Variants in TEX15 observed in about 807,000 individuals in gnomAD.
The protein encoded by TEX15 is testis expressed 15, meiosis and synapsis associated, also known as testis-expressed protein 15.
TEX15 carries 171 observed loss-of-function variants against 237.3 expected under a neutral mutation model. The ratio of observed to expected loss-of-function variants is 0.72; its 90% confidence interval spans 0.64 to 0.82. TEX15 has a LOEUF of 0.82. Ranked by LOEUF, TEX15 falls within the 40% of genes least tolerant of loss-of-function variation. The probability of loss-of-function intolerance (pLI) is 0.00; values close to 1 mark genes in which losing one functional copy is unlikely to be tolerated. For synonymous variants in TEX15, 1,338 were observed against 1,269.8 expected, an observed-to-expected ratio of 1.05 and a Z score of -1.14; for missense variants, 3,750 against 3,646.5, an observed-to-expected ratio of 1.03 and a Z score of -0.73.
chr8:30,841,450 G>A (rs1391010848), intron 8 of TEX15, among the ~76,000 whole-genome samples: 2 of 152,076 alleles, frequency 1.3e-5, no homozygotes, highest in South Asian at 2.1e-4. Flanking sequence ...CATCATAAGG[G>A]GTTGTGTATA....
chr8:30,897,133 C>T (rs1160163231), intron 2 of TEX15, among the ~76,000 whole-genome samples: 1 of 152,172 alleles, frequency 6.6e-6, no homozygotes, highest in Non-Finnish European at 1.5e-5. Flanking sequence ...ATATTCTGAA[C>T]AAGAAGTCGG....
At chr8:30,898,125 T>C (rs1022168581) in intron 2 of TEX15, among the ~76,000 whole-genome samples, 1 of 152,220 alleles carries the variant, frequency 6.6e-6, no homozygotes. Context: ...CGGGACAATA[T>C]TCTCCACTGG....
rs755664225 is a variant in TEX15, at chr8:30,844,927, G to C, written c.5240C>G (p.Ser1747Cys). 32 of 1,613,446 alleles carry C rather than the reference G, an allele frequency of 2.0e-5. No homozygotes were observed. Among genetic ancestry groups the C allele is most frequent in the African/African-American group, 2.7e-5 (2 of 75,002 alleles). Residue 1747 changes from serine (S) to cysteine (C), a missense_variant, in exon 8 of 11, where the codon TCT becomes TGT. Transcript: ENST00000643185. ...TGGTACAGTACTGGATGCTGCAAAA[G>C]AATCTACAGTAAGAATTCTCTGCTT... ...LDKQRILTVD[S>C]FAASSTVPHC...
At position 30,847,345 on chromosome 8, in the gene TEX15, C is replaced by G; in HGVS notation, c.2822G>C (p.Ser941Thr). The change falls in exon 8 of 11, where the codon AGT (serine) becomes ACT (threonine). Residue 941 changes from serine (S) to threonine (T), a missense_variant. Physicochemically the swap from Ser to Thr is moderately conservative, Grantham distance 58 (BLOSUM62 1). Transcript: ENST00000643185. ...AVSAATALLE[S>T]EEDTISAVKQ... ...CACGGCACTAATGGTATCTTCTTCA[C>G]TCTCTAATAATGCAGTTGCTGCTGA... is the stretch of plus-strand genomic sequence containing the variant. 2 of 1,613,800 alleles carry G rather than the reference C, an allele frequency of 1.2e-6. No individual in the cohort carries two copies. Among genetic ancestry groups the G allele is most frequent in the South Asian group, 1.1e-5 (1 of 91,074 alleles).
rs565148341 is a variant in TEX15 at position 30,899,458 on chromosome 8, GT to G, written c.-85-642del. ...AACTCCGTTCTTTTTGTGTGTGCGTGTGAGACAGTCTCACTCACTCTATCAC... is the reference window on the plus strand; with the variant it reads ...AACTCCGTTCTTTTTGTGTGTGCGTGGAGACAGTCTCACTCACTCTATCAC... On this transcript the variant is annotated intron_variant, in intron 1 of 10. Transcript: ENST00000643185. Among the ~76,000 whole-genome samples, 36 of 152,268 alleles carry G rather than the reference GT, an allele frequency of 2.4e-4. No homozygotes were observed. In the South Asian group the frequency reaches 7.5e-3, roughly 32 times the overall value.
intron 10 of TEX15, among the ~76,000 whole-genome samples, chr8:30,833,794 C>T (rs1807234479): frequency 6.6e-6 from 1 of 152,040 alleles, no homozygotes; most frequent in African/African-American, 2.4e-5. Flanking sequence ...CAATTGCCTC[C>T]TTAATTTTTT....
chr8:30,912,197 C>A (rs924903147), intron 1 of TEX15, among the ~76,000 whole-genome samples: 1 of 152,254 alleles, frequency 6.6e-6, no homozygotes, highest in African/African-American at 2.4e-5. Flanking sequence ...CGCAGGCGGG[C>A]ATGGTCCGAG....
chr8:30,835,059 A>G (rs1241957103), intron 10 of TEX15, among the ~76,000 whole-genome samples: 2 of 152,154 alleles, frequency 1.3e-5, no homozygotes, highest in African/African-American at 4.8e-5. Flanking sequence ...ACTTGAGGCC[A>G]GGAGTCCGAG....
intron 5 of TEX15, among the ~76,000 whole-genome samples, chr8:30,864,016 A>C (rs1808105285): frequency 6.6e-6 from 1 of 152,140 alleles, no homozygotes; most frequent in South Asian, 2.1e-4. Flanking sequence ...CTACTAGACA[A>C]AGACTTTAAA....
chr8:30,851,157 T>A (rs191042141), intron 7 of TEX15, among the ~76,000 whole-genome samples: 3 of 151,870 alleles, frequency 2.0e-5, no homozygotes, highest in African/African-American at 7.3e-5. Flanking sequence ...CCCAAAGTTC[T>A]ATGGACAAGG....
intron 7 of TEX15, among the ~76,000 whole-genome samples, chr8:30,857,070 G>A (rs954229806): frequency 6.6e-6 from 1 of 152,084 alleles, no homozygotes; most frequent in Admixed American, 6.5e-5. Flanking sequence ...AATAATTAAG[G>A]CAAGATGCTC....
In TEX15 at chr8:30,846,030, T is replaced by A; in HGVS notation, c.4137A>T (p.Lys1379Asn). Residue 1379 changes from lysine (K) to asparagine (N), a missense_variant, in exon 8 of 11, where the codon AAA becomes AAT. By Grantham distance (94) the Lys-to-Asn change is moderately conservative. Transcript: ENST00000643185. The stretch of plus-strand genomic sequence containing the variant: ...TTAAGTGAACAACTGCTTTGTCTAG[T>A]TTTCTGGAAAGACATTTGCTTTTAC... Reference protein sequence around the residue: ...SLCKSKCLSRKLDKAVVHLKK... With the variant: ...SLCKSKCLSRNLDKAVVHLKK... 6.2e-7 allele frequency: 1 copy of A among 1,613,424 alleles called. No homozygotes were observed. The highest frequency in any genetic ancestry group is 8.5e-7 in the Non-Finnish European group (1 of 1,179,578).
chr8:30,854,592 T>C (rs1412460113), intron 7 of TEX15, among the ~76,000 whole-genome samples: 1 of 152,070 alleles, frequency 6.6e-6, no homozygotes, highest in Non-Finnish European at 1.5e-5. Context: ...ATTCTTCATA[T>C]ATTATTCCAA....
chr8:30,845,450 G>A lies in TEX15; in HGVS notation c.4717C>T (p.Gln1573Ter). 6.2e-7 allele frequency: 1 copy of A among 1,612,662 alleles called. No individual in the cohort carries two copies. The highest frequency in any genetic ancestry group is 8.5e-7 in the Non-Finnish European group (1 of 1,179,268). ...SDEKLIEKEN[Q>*]IDTAFLSSTS... ...CTAGATAAAAATGCTGTATCAATTT[G>A]ATTTTCTTTTTCTATTAGTTTCTCA... Residue 1573 changes from glutamine (Q) to a stop codon, truncating the protein, a stop_gained, in exon 8 of 11, where the codon CAA (glutamine) becomes TAA (stop). Transcript: ENST00000643185. LOFTEE classifies it high-confidence loss of function.
At position 30,845,116 on chromosome 8, in the gene TEX15, C is replaced by T; in HGVS notation, c.5051G>A (p.Trp1684Ter). The change falls in exon 8 of 11, where the codon TGG (tryptophan) becomes TAG (stop). Residue 1684 changes from tryptophan (W) to a stop codon, truncating the protein, a stop_gained. Transcript: ENST00000643185. LOFTEE classifies it high-confidence loss of function. ...SDCKRNLEVK[W>*]TDPIERPKQN... ...TTTGGGTCTCTCAATAGGATCTGTC[C>T]ACTTTACTTCCAGGTTTCTTTTACA... 6.2e-7 allele frequency: 1 copy of T among 1,613,378 alleles called. No individual in the cohort carries two copies. The highest frequency in any genetic ancestry group is 8.5e-7 in the Non-Finnish European group (1 of 1,179,468).
chr8:30,835,227 C>T (rs925149002), intron 10 of TEX15, among the ~76,000 whole-genome samples: 3 of 152,040 alleles, frequency 2.0e-5, no homozygotes, highest in African/African-American at 7.3e-5. Flanking sequence ...GCCTCACCTT[C>T]CTGAGTAGCT....
chr8:30,901,611 C>T (rs1366513149), intron 1 of TEX15, among the ~76,000 whole-genome samples: 1 of 152,078 alleles, frequency 6.6e-6, no homozygotes, highest in African/African-American at 2.4e-5. Flanking sequence ...TCAACTTAAG[C>T]AACGTATGTT....
intron 7 of TEX15, among the ~76,000 whole-genome samples, chr8:30,856,649 T>C (rs1226085562): frequency 6.6e-6 from 1 of 152,160 alleles, no homozygotes; most frequent in Admixed American, 6.5e-5. Context: ...CTTATACTTT[T>C]AAATCAACTG....
intron 1 of TEX15, among the ~76,000 whole-genome samples, chr8:30,912,352 C>CCCGCGGATATCCCCACGCA (rs1809244949): frequency 6.6e-6 from 1 of 152,118 alleles, no homozygotes; most frequent in Admixed American, 6.5e-5. Flanking sequence ...CCTCCCCGCC[C>CCCGCGGATATCCCCACGCA]CCGCGGATAT....
Sources: gnomAD v4.1 joint callset for allele counts (sites outside exome capture counted in the v4.1 genomes callset) on GRCh38, gnomAD v4.1.1 for gene constraint, MANE v1.5 for transcripts, NCBI Gene and HGNC (gene_info 2026-07-23, HGNC 2026-07-21) for gene names.